The following CEACAM21 variants were observed in gnomAD, a reference collection of about 807,000 sequenced individuals.
The protein encoded by CEACAM21 is cell adhesion molecule CEACAM21.
In CEACAM21, 38 loss-of-function variants were observed where a neutral mutation model predicts 33.2. The ratio of observed to expected loss-of-function variants is 1.14; its 90% CI spans 0.88 to 1.50. The LOEUF (loss-of-function observed/expected upper bound fraction) is 1.50, where lower values mean the gene tolerates loss of function less well. CEACAM21 is among the 40% of genes most tolerant of loss of function. CEACAM21 has a pLI of 0.00. For missense variants in CEACAM21, 385 were observed against 364.6 expected (o/e 1.06, Z -0.46); for synonymous variants, 156 against 143.0 (o/e 1.09, Z -0.65).
upstream of CEACAM21, among the ~76,000 whole-genome samples, chr19:41,575,537 G>A (rs2042884721): frequency 2.0e-5 from 3 of 152,248 alleles, no homozygotes; most frequent in South Asian, 4.1e-4. Context: ...GTTAAGCTGG[G>A]GGCACAGACC....
At position 41,577,224 on chromosome 19, in the gene CEACAM21, C is replaced by T. The variant is rs908485805; in HGVS notation, c.89C>T (p.Ala30Val). The change falls in exon 2 of 7, where the codon GCA (alanine) becomes GTA (valine). Residue 30 changes from alanine (A) to valine (V), a missense_variant. Coordinates refer to ENST00000401445, the MANE Select transcript of CEACAM21 (RefSeq NM_001098506.4). Reference protein sequence around the residue: ...LTASLLTFWNAPTTAWLFIAS... With the variant: ...LTASLLTFWNVPTTAWLFIAS... ...GCCTCACTTTTAACTTTCTGGAACG[C>T]ACCCACCACTGCCTGGCTCTTTATT... The T allele has an allele frequency of 6.8e-6, 11 of 1,614,126 alleles. No homozygotes were observed. The highest frequency in any genetic ancestry group is 8.5e-6 in the Non-Finnish European group (10 of 1,180,026).
At chr19:41,572,931 G>A (rs189125314), upstream of CEACAM21, among the ~76,000 whole-genome samples, 41 of 152,258 alleles carry the variant, frequency 2.7e-4, no homozygotes, top group East Asian at 7.5e-3. Context: ...CATCAATCTG[G>A]TGAAGGCAGA....
chr19:41,586,609 C>T lies in CEACAM21; in HGVS notation c.*146C>T. The T allele has an allele frequency of 1.7e-6, 1 of 580,002 alleles. No homozygotes were observed. Among genetic ancestry groups the T allele is most frequent in the South Asian group, 1.4e-5 (1 of 72,602 alleles). The allele number at this position is 580,002 out of a possible 1,614,324, so 35.9% of individuals were successfully genotyped here. Reference sequence around the variant, plus strand: ...CCTGGGGATGGGGAAGGACATGGAGCCTGAGCCAGAGAACCAGCTCTGAGT... The same window carrying T: ...CCTGGGGATGGGGAAGGACATGGAGTCTGAGCCAGAGAACCAGCTCTGAGT... On this transcript the variant is annotated 3_prime_UTR_variant, in exon 7 of 7. Coordinates refer to ENST00000401445, the MANE Select transcript of CEACAM21 (RefSeq NM_001098506.4).
chr19:41,586,608 G>A lies in CEACAM21; in HGVS notation c.*145G>A, dbSNP rs2070752070. 1.7e-6 allele frequency: 1 copy of A among 580,294 alleles called. No homozygotes were observed. The highest frequency in any genetic ancestry group is 4.5e-5 in the East Asian group (1 of 22,246). The allele number at this position is 580,294 out of a possible 1,614,324, so 35.9% of individuals were successfully genotyped here. A position where few individuals can be genotyped will look rare whatever the true frequency, so the allele number is the denominator to read the frequency against. On this transcript the variant is annotated 3_prime_UTR_variant, in exon 7 of 7. Transcript: ENST00000401445. ...CCCTGGGGATGGGGAAGGACATGGA[G>A]CCTGAGCCAGAGAACCAGCTCTGAG...
chr19:41,579,237 T>C (rs782042426), intron 2 of CEACAM21, 116 bp from the exon 3 acceptor site: 89 of 1,553,324 alleles, frequency 5.7e-5, no homozygotes, highest in Non-Finnish European at 7.8e-5. Flanking sequence ...TCTCTGCTCC[T>C]CCCTGTCCTT....
intron 1 of CEACAM21, among the ~76,000 whole-genome samples, chr19:41,564,331 A>ATTATTTAT (rs60410378): frequency 0.1 from 14,897 of 148,292 alleles, 1,273 homozygotes; most frequent in East Asian, 0.28. Flanking sequence ...TGAGTTATTT[A>ATTATTTAT]TTATTTATTT....
At position 41,576,231 on chromosome 19, in the gene CEACAM21, CAA is replaced by C. The variant is rs781870601; in HGVS notation, c.-43_-42del. ...CCCTGTCTAGAGCGTTCCTGGAGCC[CAA>C]GCTCCTCTCCACAGAGGAGGACAGA... is the stretch of plus-strand genomic sequence containing the variant. On this transcript the variant is annotated 5_prime_UTR_variant, in exon 1 of 7. Coordinates refer to ENST00000401445, the MANE Select transcript of CEACAM21 (RefSeq NM_001098506.4). The C allele has an allele frequency of 1.7e-5, 27 of 1,610,024 alleles. No homozygotes were observed. Among genetic ancestry groups the C allele is most frequent in the Non-Finnish European group, 2.1e-5 (25 of 1,176,568 alleles).
At chr19:41,567,046 TTCTC>T (rs74276943) in intron 2 of CEACAM21, among the ~76,000 whole-genome samples, 1 of 151,062 alleles carries the variant, frequency 6.6e-6, no homozygotes, top group Admixed American at 6.6e-5. Flanking sequence ...TCATATTGTT[TTCTC>T]TCTCTCTCTC....
At chr19:41,575,750 C>T (rs1385451142), upstream of CEACAM21, among the ~76,000 whole-genome samples, 7 of 152,124 alleles carry the variant, frequency 4.6e-5, no homozygotes, top group South Asian at 2.1e-4. Context: ...CTGAAGATAG[C>T]GGGTGGGTCC....
At chr19:41,556,186 A>G (rs2041511015) in intron 1 of CEACAM21, among the ~76,000 whole-genome samples, 1 of 152,258 alleles carries the variant, frequency 6.6e-6, no homozygotes, top group Non-Finnish European at 1.5e-5. Context: ...AAAGGAAGGT[A>G]AAGAAGGGAA....
intron 1 of CEACAM21, among the ~76,000 whole-genome samples, chr19:41,553,208 C>T (rs967064281): frequency 9.2e-5 from 14 of 151,894 alleles, no homozygotes; most frequent in South Asian, 2.1e-4. Flanking sequence ...CTGTAACCTC[C>T]GCTTCCCTGC....
intron 3 of CEACAM21, among the ~76,000 whole-genome samples, chr19:41,581,880 A>G (rs1178933169): frequency 6.6e-6 from 1 of 151,890 alleles, no homozygotes; most frequent in Non-Finnish European, 1.5e-5. Context: ...ATTCCACCCG[A>G]CCCCTCCCAA....
At position 41,577,376 on chromosome 19, in the gene CEACAM21, G is replaced by C; in HGVS notation, c.241G>C (p.Ala81Pro). 2 of 1,612,948 alleles carry C rather than the reference G, an allele frequency of 1.2e-6. No homozygotes were observed. The highest frequency in any genetic ancestry group is 1.7e-6 in the Non-Finnish European group (2 of 1,179,980). The part of the protein sequence containing the change: ...KTVEPNQLIA[A>P]YVIDTHVRTP... ...GGTGGAGCCCAACCAGCTAATCGCA[G>C]CATATGTAATAGACACTCACGTTAG... The change falls in exon 2 of 7, where the codon GCA (alanine) becomes CCA (proline). Residue 81 changes from alanine (A) to proline (P), a missense_variant. Ala to Pro is a conservative substitution (Grantham distance 27). Coordinates refer to ENST00000401445, the MANE Select transcript of CEACAM21 (RefSeq NM_001098506.4).
chr19:41,570,415 C>A (rs571296234), intron 2 of CEACAM21, among the ~76,000 whole-genome samples: 1 of 152,298 alleles, frequency 6.6e-6, no homozygotes, highest in East Asian at 1.9e-4. Context: ...AACCTCTCTT[C>A]ATGTCCACCT....
chr19:41,552,861 G>A (rs2041304416), intron 1 of CEACAM21, among the ~76,000 whole-genome samples: 1 of 152,078 alleles, frequency 6.6e-6, no homozygotes, highest in Non-Finnish European at 1.5e-5. Flanking sequence ...CAGAAGTTTC[G>A]GTTGTCTAGT....
chr19:41,549,583 G>A (rs2041104690), intron 1 of CEACAM21: 1 of 152,066 alleles, frequency 6.6e-6, no homozygotes, highest in South Asian at 2.1e-4. Context: ...TTTGCTTTAT[G>A]TTTCATTTAC....
chr19:41,571,758 A>C (rs1038721245), upstream of CEACAM21, among the ~76,000 whole-genome samples: 4 of 152,230 alleles, frequency 2.6e-5, no homozygotes, highest in African/African-American at 9.6e-5. Context: ...GGGAGCTGAC[A>C]GTGCCCTGCT....
chr19:41,584,276 G>A, intron 3 of CEACAM21, 71 bp from the exon 4 acceptor site: 2 of 1,308,286 alleles, frequency 1.5e-6, no homozygotes, highest in Non-Finnish European at 2.2e-6. Context: ...CCATGCCCCT[G>A]CCCTGCAAGG....
Position 41,579,377 on chromosome 19 carries a change from A to C in CEACAM21, c.449A>C (p.Gln150Pro), listed in dbSNP as rs1036016199. Residue 150 changes from glutamine to proline, a missense_variant, in exon 3 of 7, where the codon CAA becomes CCA. Transcript: ENST00000401445. The part of the protein sequence containing the change: ...VYESVAQPSI[Q>P]ASSTTVTEKG... ...GAGTCAGTGGCTCAGCCCTCCATCC[A>C]AGCCAGCAGCACCACAGTCACAGAG... The C allele has an allele frequency of 5.6e-6, 9 of 1,613,930 alleles. No individual in the cohort carries two copies. Among genetic ancestry groups the C allele is most frequent in the Non-Finnish European group, 6.8e-6 (8 of 1,179,868 alleles).
Sources: allele counts gnomAD v4.1 joint callset (sites outside exome capture counted in the v4.1 genomes callset), GRCh38; gene constraint gnomAD v4.1.1; transcripts MANE v1.5; gene names NCBI Gene and HGNC (gene_info 2026-07-23, HGNC 2026-07-21).